Variants in RALGPS2 observed in about 807,000 individuals in gnomAD.
RALGPS2 encodes ras-specific guanine nucleotide-releasing factor RalGPS2.
In RALGPS2, 43 loss-of-function variants were observed where a neutral mutation model predicts 86.8. That is an observed-to-expected ratio of 0.50 (90% CI 0.39 to 0.64). The LOEUF is 0.64. Among genes scored for constraint, RALGPS2 ranks in the 30% least tolerant of loss-of-function variants. The pLI, the probability that RALGPS2 is intolerant of heterozygous loss-of-function variation, is 0.00. For synonymous variants in RALGPS2, 243 were observed against 231.3 expected, an observed-to-expected ratio of 1.05 and a Z score of -0.46; for missense variants, 536 against 694.6, an observed-to-expected ratio of 0.77 and a Z score of 2.57.
intron 8 of RALGPS2, among the ~76,000 whole-genome samples, chr1:178,867,054 G>A (rs1314323420): frequency 6.6e-6 from 1 of 152,102 alleles, no homozygotes; most frequent in Non-Finnish European, 1.5e-5. Context: ...GGATGGCAGT[G>A]GATACCCTAA....
At chr1:178,865,044 A>T (rs1228370694) in intron 8 of RALGPS2, 1 of 1,497,648 alleles carries the variant, frequency 6.7e-7, no homozygotes, top group Non-Finnish European at 8.9e-7. Context: ...TCTCTGGGAT[A>T]ACCTGGATCC....
At chr1:178,747,387 A>G (rs1651396644) in intron 1 of RALGPS2, 1 of 1,531,392 alleles carries the variant, frequency 6.5e-7, no homozygotes, top group African/African-American at 1.4e-5. Flanking sequence ...TGTACTGTAT[A>G]ATACGACTTC....
intron 2 of RALGPS2, 25 bp from the exon 3 acceptor site, chr1:178,784,393 G>T (rs201897587): frequency 6.4e-7 from 1 of 1,561,458 alleles, no homozygotes; most frequent in Non-Finnish European, 8.8e-7. Context: ...TATGTAAAAG[G>T]CTGCATTTTC....
In RALGPS2 at chr1:178,738,063, G is replaced by A. The variant is rs192117776; in HGVS notation, c.-84+12644G>A. On this transcript the variant is annotated intron_variant, in intron 1 of 19. Coordinates refer to ENST00000367635, the MANE Select transcript of RALGPS2 (RefSeq NM_152663.5). ...CCAAAGTGCTGGGATTACAGCATGA[G>A]CCACCACGCTTGACCACAATAATGA... 3.0e-3 allele frequency among the ~76,000 whole-genome samples: 456 copies of A among 151,770 alleles called. 2 individuals are homozygous for A. The highest frequency in any genetic ancestry group is 0.011 in the African/African-American group (444 of 41,372).
intron 1 of RALGPS2, among the ~76,000 whole-genome samples, chr1:178,727,211 T>C (rs1200102838): frequency 6.6e-6 from 1 of 152,092 alleles, no homozygotes; most frequent in African/African-American, 2.4e-5. Context: ...AAGATGTGCG[T>C]TTTTCCCATT....
At chr1:178,877,066 A>T (rs1659037913) in intron 8 of RALGPS2, among the ~76,000 whole-genome samples, 3 of 152,172 alleles carry the variant, frequency 2.0e-5, no homozygotes, top group Non-Finnish European at 4.4e-5. Flanking sequence ...AATATCTTCA[A>T]GTTGTAACAC....
intron 8 of RALGPS2, chr1:178,869,078 C>T (rs1372980809): frequency 6.6e-6 from 1 of 151,854 alleles, no homozygotes; most frequent in Non-Finnish European, 1.5e-5. Flanking sequence ...TCCTAGGCCC[C>T]AAGAGAATGT....
intron 7 of RALGPS2, among the ~76,000 whole-genome samples, chr1:178,828,131 T>C (rs1655840620): frequency 6.6e-6 from 1 of 152,152 alleles, no homozygotes; most frequent in Non-Finnish European, 1.5e-5. Context: ...TGCATCAAAC[T>C]AAAAAGCTTT....
At chr1:178,801,386 C>A (rs1027923354) in intron 4 of RALGPS2, among the ~76,000 whole-genome samples, 2 of 151,988 alleles carry the variant, frequency 1.3e-5, no homozygotes, top group African/African-American at 4.8e-5. Flanking sequence ...AATAATAATA[C>A]TAACACTAAT....
intron 8 of RALGPS2, chr1:178,864,842 A>G (rs1658274376): frequency 1.6e-6 from 1 of 614,572 alleles, no homozygotes; most frequent in Non-Finnish European, 2.4e-6. Flanking sequence ...AGAAATTTTA[A>G]TGTACATATA....
At position 178,759,799 on chromosome 1, in the gene RALGPS2, CT is replaced by C. The variant is rs529763206; in HGVS notation, c.-83-16877del. Reference sequence around the variant, plus strand: ...ATAATTTCATTGTAGACATCTTTTACTTTTTTGGTTAAGTTACTTCCTATGT... The same window carrying C: ...ATAATTTCATTGTAGACATCTTTTACTTTTTGGTTAAGTTACTTCCTATGT... On this transcript the variant is annotated intron_variant, in intron 1 of 19. Transcript: ENST00000367635. 3.0e-4 allele frequency among the ~76,000 whole-genome samples: 46 copies of C among 151,930 alleles called. No individual in the cohort carries two copies. The South Asian group carries it at 9.6e-3, about 32-fold the overall frequency.
intron 8 of RALGPS2, among the ~76,000 whole-genome samples, chr1:178,847,126 C>T (rs1327656123): frequency 6.6e-6 from 1 of 152,198 alleles, no homozygotes; most frequent in African/African-American, 2.4e-5. Flanking sequence ...ACAATTATAA[C>T]TTGATAACAG....
chr1:178,872,475 T>G (rs1337310750), intron 8 of RALGPS2, among the ~76,000 whole-genome samples: 1 of 152,238 alleles, frequency 6.6e-6, no homozygotes, highest in Non-Finnish European at 1.5e-5. Context: ...CTGCACCTTC[T>G]CAGCTGTGCT....
chr1:178,864,896 A>T, intron 8 of RALGPS2: 1 of 1,172,764 alleles, frequency 8.5e-7, no homozygotes, highest in Non-Finnish European at 1.1e-6. Flanking sequence ...GCATTGTTTC[A>T]TAAGGCATAA....
intron 8 of RALGPS2, chr1:178,865,239 C>T (rs1008176981): frequency 5.0e-6 from 8 of 1,613,968 alleles, no homozygotes; most frequent in African/African-American, 1.3e-5. Flanking sequence ...GTCAAGGAAG[C>T]GTATTTCACC....
At chr1:178,859,472 C>T (rs58850748) in intron 8 of RALGPS2, among the ~76,000 whole-genome samples, 2,434 of 140,584 alleles carry the variant, frequency 0.017, 67 homozygotes, top group African/African-American at 0.06. Context: ...GTCACGATCT[C>T]GGCTCACTGC....
chr1:178,731,345 T>C lies in RALGPS2; in HGVS notation c.-84+5926T>C, dbSNP rs576352738. ...TCCCCCAGGCTGGAGAGCAGTGATATGATCTTGGCTCAGTGCACCCTCCAC... is the reference window on the plus strand; with the variant it reads ...TCCCCCAGGCTGGAGAGCAGTGATACGATCTTGGCTCAGTGCACCCTCCAC... On this transcript the variant is annotated intron_variant, in intron 1 of 19. Coordinates refer to ENST00000367635, the MANE Select transcript of RALGPS2 (RefSeq NM_152663.5). 1.8e-3 allele frequency among the ~76,000 whole-genome samples: 251 copies of C among 137,476 alleles called. 1 individual carries two copies. Among genetic ancestry groups the C allele is most frequent in the African/African-American group, 3.3e-3 (124 of 37,034 alleles). 90.2% of individuals were successfully genotyped at this position (137,476 alleles called of 152,430 possible).
At chr1:178,859,014 A>G (rs908042924) in intron 8 of RALGPS2, among the ~76,000 whole-genome samples, 16 of 152,206 alleles carry the variant, frequency 1.1e-4, no homozygotes, top group Non-Finnish European at 2.4e-4. Flanking sequence ...AGTTAAATAT[A>G]TTCAACATTT....
intron 14 of RALGPS2, 114 bp from the exon 15 acceptor site, chr1:178,892,116 A>T: frequency 1.0e-6 from 1 of 977,492 alleles, no homozygotes; most frequent in Non-Finnish European, 1.5e-6. Context: ...ATCCTTTTGT[A>T]AGATTTAGAA....
Sources: gnomAD v4.1 joint callset for allele counts (sites outside exome capture counted in the v4.1 genomes callset) on GRCh38, gnomAD v4.1.1 for gene constraint, MANE v1.5 for transcripts, NCBI Gene and HGNC (gene_info 2026-07-23, HGNC 2026-07-21) for gene names.